Variants in ANKRD31 observed in about 807,000 individuals in gnomAD.
ANKRD31 encodes ankyrin repeat domain-containing protein 31.
ANKRD31 carries 147 observed loss-of-function variants against 186.0 expected under a neutral mutation model. The observed-to-expected ratio is 0.79, with a 90% CI of 0.69 to 0.91. The LOEUF is 0.91. Ranked by LOEUF, ANKRD31 falls within the 40% of genes least tolerant of loss-of-function variation. ANKRD31 has a pLI of 0.00. For synonymous variants in ANKRD31, 673 were observed against 736.4 expected, an observed-to-expected ratio of 0.91 and a Z score of 1.39; for missense variants, 1,986 against 2,148.8, an observed-to-expected ratio of 0.92 and a Z score of 1.50.
At chr5:75,187,226 A>G (rs189760644) in intron 10 of ANKRD31, among the ~76,000 whole-genome samples, 2 of 151,966 alleles carry the variant, frequency 1.3e-5, no homozygotes, top group East Asian at 3.9e-4. Context: ...CTCTGTGGAA[A>G]CACTGTCCTC....
chr5:75,154,167 G>A, intron 12 of ANKRD31, 34 bp downstream of exon 12: 1 of 1,388,880 alleles, frequency 7.2e-7, no homozygotes, highest in Non-Finnish European at 9.3e-7. Context: ...TCACTGATGT[G>A]ACAAATAGCT....
At position 75,122,508 on chromosome 5, in the gene ANKRD31, T is replaced by C. The variant is rs148032169; in HGVS notation, c.3877-4211A>G. ...AAAAACTACAGACCAATATCCCTGA[T>C]GAAGATAGATGCAGAAACCCTTAAC... is the stretch of plus-strand genomic sequence containing the variant. On this transcript the variant is annotated intron_variant, in intron 17 of 25. Coordinates refer to ENST00000506364, the MANE Select transcript of ANKRD31 (RefSeq NM_001372053.1). 1.9e-4 allele frequency among the ~76,000 whole-genome samples: 29 copies of C among 151,344 alleles called. No individual in the cohort carries two copies. The East Asian group carries it at 5.1e-3, about 26-fold the overall frequency.
intron 5 of ANKRD31, among the ~76,000 whole-genome samples, chr5:75,203,414 A>C (rs1294438641): frequency 2.0e-5 from 3 of 152,194 alleles, no homozygotes; most frequent in Non-Finnish European, 4.4e-5. Flanking sequence ...CTGTAATCCC[A>C]GCACTTTGGG....
intron 17 of ANKRD31, among the ~76,000 whole-genome samples, chr5:75,137,027 G>A (rs528862548): frequency 6.6e-6 from 1 of 152,156 alleles, no homozygotes; most frequent in South Asian, 2.1e-4. Flanking sequence ...GTGGGGGTAG[G>A]GGGGAGGGAT....
chr5:75,071,686 T>C (rs1484510414), intron 25 of ANKRD31, among the ~76,000 whole-genome samples: 2 of 151,932 alleles, frequency 1.3e-5, no homozygotes, highest in Non-Finnish European at 2.9e-5. Context: ...TTAGTGGAGA[T>C]GGGGTTTCAC....
At chr5:75,191,234 T>G (rs1755088997) in intron 9 of ANKRD31, among the ~76,000 whole-genome samples, 2 of 152,156 alleles carry the variant, frequency 1.3e-5, no homozygotes, top group African/African-American at 4.8e-5. Flanking sequence ...TTCCACTACT[T>G]ATTGCTTAGT....
At chr5:75,205,053 T>A (rs1756077772) in intron 5 of ANKRD31, among the ~76,000 whole-genome samples, 1 of 151,984 alleles carries the variant, frequency 6.6e-6, no homozygotes, top group Non-Finnish European at 1.5e-5. Context: ...TGTGTAGCGA[T>A]GGGGGTCTTG....
intron 11 of ANKRD31, among the ~76,000 whole-genome samples, chr5:75,159,187 A>C (rs1752409806): frequency 3.3e-5 from 5 of 152,148 alleles, no homozygotes; most frequent in Admixed American, 2.6e-4. Context: ...CAATCAGAAG[A>C]ACAGATTTTT....
At chr5:75,131,928 A>G (rs1749878178) in intron 17 of ANKRD31, among the ~76,000 whole-genome samples, 1 of 152,186 alleles carries the variant, frequency 6.6e-6, no homozygotes, top group South Asian at 2.1e-4. Flanking sequence ...GCAACTCCCA[A>G]CAGGCCTGCA....
intron 10 of ANKRD31, among the ~76,000 whole-genome samples, chr5:75,179,503 G>A (rs770877722): frequency 3.3e-5 from 5 of 152,088 alleles, no homozygotes; most frequent in East Asian, 1.9e-4. Context: ...CTGGCAAACC[G>A]AATCCAACAG....
At chr5:75,187,348 A>G (rs997923270) in intron 10 of ANKRD31, among the ~76,000 whole-genome samples, 3 of 152,020 alleles carry the variant, frequency 2.0e-5, no homozygotes, top group African/African-American at 7.2e-5. Context: ...TGATAGGGAT[A>G]AAGAATTCAT....
chr5:75,219,363 A>G (rs573099892), intron 3 of ANKRD31, among the ~76,000 whole-genome samples: 6 of 152,304 alleles, frequency 3.9e-5, no homozygotes, highest in Admixed American at 6.5e-5. Context: ...ACTGACAGCC[A>G]AAAGTAACAC....
At position 75,147,484 on chromosome 5, in the gene ANKRD31, T is replaced by C. The variant is rs1372253197; in HGVS notation, c.1927A>G (p.Ser643Gly). 6.8e-7 allele frequency: 1 copy of C among 1,460,630 alleles called. No homozygotes were observed. Among genetic ancestry groups the C allele is most frequent in the Non-Finnish European group, 9.0e-7 (1 of 1,116,396 alleles). The allele number at this position is 1,460,630 out of a possible 1,614,324, so 90.5% of individuals were successfully genotyped here. ...TCATTATAAACATGCCAAATGTGACTTTTAGAACTGAACTTTGGTTTCTAT... is the reference window on the plus strand; with the variant it reads ...TCATTATAAACATGCCAAATGTGACCTTTAGAACTGAACTTTGGTTTCTAT... ...QHKKPKFSSKSHIWHVYNENS... is the reference protein window; with the variant it reads ...QHKKPKFSSKGHIWHVYNENS... Residue 643 changes from serine (S) to glycine (G), a missense_variant, in exon 14 of 26, where the codon AGT becomes GGT. Ser to Gly is a moderately conservative substitution (Grantham distance 56). Coordinates refer to ENST00000506364, the MANE Select transcript of ANKRD31 (RefSeq NM_001372053.1).
At position 75,104,607 on chromosome 5, in the gene ANKRD31, A is replaced by C; in HGVS notation, c.4952T>G (p.Leu1651Arg). Residue 1651 changes from leucine (L) to arginine (R), a missense_variant, in exon 22 of 26, where the codon CTT becomes CGT. By Grantham distance (102) the Leu-to-Arg change is moderately radical. Coordinates refer to ENST00000506364, the MANE Select transcript of ANKRD31 (RefSeq NM_001372053.1). ...KLNISETASV[L>R]AENAAHPSNI... The stretch of plus-strand genomic sequence containing the variant: ...TGATGGATGGGCAGCATTTTCGGCA[A>C]GGACACTTGCAGTTTCTGAAATATT... 1.3e-6 allele frequency: 2 copies of C among 1,536,616 alleles called. No homozygotes were observed. Among genetic ancestry groups the C allele is most frequent in the Non-Finnish European group, 1.7e-6 (2 of 1,146,636 alleles).
chr5:75,086,145 C>T (rs1395758569), intron 23 of ANKRD31, among the ~76,000 whole-genome samples: 1 of 152,210 alleles, frequency 6.6e-6, no homozygotes, highest in Non-Finnish European at 1.5e-5. Context: ...AGTGCAGGCT[C>T]AGTATGTTCT....
At chr5:75,171,908 A>G (rs951223880) in intron 10 of ANKRD31, among the ~76,000 whole-genome samples, 7 of 151,892 alleles carry the variant, frequency 4.6e-5, no homozygotes, top group Non-Finnish European at 1.0e-4. Context: ...AGAGGTGAGA[A>G]GACTTCTTAA....
intron 5 of ANKRD31, among the ~76,000 whole-genome samples, chr5:75,203,662 CAA>C (rs112986947): frequency 5.0e-5 from 5 of 99,112 alleles, no homozygotes; most frequent in Non-Finnish European, 8.6e-5. Context: ...GGATCCATCT[CAA>C]AAAAAAAAAA....
Position 75,195,611 on chromosome 5 carries a change from C to CA in ANKRD31, c.1017+19dup. ...ACCATGTTCAAATGGTGGAGTAGAA[C>CA]AAAGAAATTCAAAATTCACCTCTGC... On this transcript the variant is annotated intron_variant, in intron 7 of 25. Transcript: ENST00000506364. 6.7e-7 allele frequency: 1 copy of CA among 1,488,114 alleles called. No homozygotes were observed. The highest frequency in any genetic ancestry group is 1.3e-5 in the South Asian group (1 of 74,564). 92.2% of individuals were successfully genotyped at this position (1,488,114 alleles called of 1,614,324 possible).
chr5:75,088,665 A>G (rs1448860217), intron 23 of ANKRD31, among the ~76,000 whole-genome samples: 1 of 152,206 alleles, frequency 6.6e-6, no homozygotes, highest in African/African-American at 2.4e-5. Context: ...TCATAAATAC[A>G]GAAAAGAATG....
Sources: allele counts gnomAD v4.1 joint callset (sites outside exome capture counted in the v4.1 genomes callset), GRCh38; gene constraint gnomAD v4.1.1; transcripts MANE v1.5; gene names NCBI Gene and HGNC (gene_info 2026-07-23, HGNC 2026-07-21).